The following ERBB4 variants were observed in gnomAD, a reference collection of about 807,000 sequenced individuals.
ERBB4 encodes the protein erb-b2 receptor tyrosine kinase 4.
Under a neutral mutation model 158.0 loss-of-function variants are expected in ERBB4, and 42 were observed. The ratio of observed to expected loss-of-function variants is 0.27; its 90% confidence interval spans 0.21 to 0.34. The LOEUF (loss-of-function observed/expected upper bound fraction) is 0.34. ERBB4 is among the 10% of genes least tolerant of loss of function. The pLI, the probability that ERBB4 is intolerant of heterozygous loss-of-function variation, is 1.00. For missense variants in ERBB4, 1,333 were observed against 1,624.1 expected (o/e 0.82, Z 3.08); for synonymous variants, 583 against 558.7 (o/e 1.04, Z -0.61).
chr2:211,717,558 G>A (rs543769449), intron 7 of ERBB4, among the ~76,000 whole-genome samples: 7 of 152,150 alleles, frequency 4.6e-5, no homozygotes, highest in Admixed American at 2.6e-4. Flanking sequence ...GGCCTGGTGC[G>A]GTGGCTCACG....
intron 4 of ERBB4, among the ~76,000 whole-genome samples, chr2:211,759,179 G>T (rs73085068): frequency 6.6e-6 from 1 of 151,912 alleles, no homozygotes; most frequent in Admixed American, 6.6e-5. Context: ...AACATATCTC[G>T]TTGTCTCTAA....
intron 1 of ERBB4, among the ~76,000 whole-genome samples, chr2:212,341,364 T>A (rs1343471516): frequency 6.6e-6 from 1 of 151,536 alleles, no homozygotes; most frequent in Non-Finnish European, 1.5e-5. Flanking sequence ...ATGTCTTAAA[T>A]TTTTTTTTGT....
At chr2:212,164,899 G>T (rs2081302533) in intron 1 of ERBB4, among the ~76,000 whole-genome samples, 1 of 151,670 alleles carries the variant, frequency 6.6e-6, no homozygotes, top group Non-Finnish European at 1.5e-5. Context: ...TTATTTAAGT[G>T]ATGTAATCTA....
intron 1 of ERBB4, among the ~76,000 whole-genome samples, chr2:212,526,584 T>A (rs1372659490): frequency 2.0e-5 from 3 of 152,032 alleles, no homozygotes; most frequent in Non-Finnish European, 4.4e-5. Flanking sequence ...TATTATTAAC[T>A]GTTTAGTTGA....
intron 20 of ERBB4, among the ~76,000 whole-genome samples, chr2:211,508,445 A>G (rs764442841): frequency 6.6e-6 from 1 of 152,206 alleles, no homozygotes; most frequent in Non-Finnish European, 1.5e-5. Context: ...CACACCAGTT[A>G]GAATGGTGAT....
At chr2:212,229,815 C>T (rs2083602901) in intron 1 of ERBB4, among the ~76,000 whole-genome samples, 2 of 152,108 alleles carry the variant, frequency 1.3e-5, no homozygotes, top group Non-Finnish European at 2.9e-5. Context: ...AGGTGAGAGT[C>T]AAGGAATGGA....
At chr2:212,226,384 C>T (rs1343157547) in intron 1 of ERBB4, among the ~76,000 whole-genome samples, 2 of 148,048 alleles carry the variant, frequency 1.4e-5, no homozygotes, top group Non-Finnish European at 3.0e-5. Flanking sequence ...TACCTCTAAC[C>T]CATGGGAATT....
intron 1 of ERBB4, among the ~76,000 whole-genome samples, chr2:212,153,944 C>A (rs572424467): frequency 6.6e-6 from 1 of 151,850 alleles, no homozygotes; most frequent in Non-Finnish European, 1.5e-5. Context: ...AGGTTAAGTA[C>A]GTATGGAAAA....
At chr2:212,178,672 G>A (rs930842383) in intron 1 of ERBB4, among the ~76,000 whole-genome samples, 10 of 151,466 alleles carry the variant, frequency 6.6e-5, no homozygotes, top group African/African-American at 1.9e-4. Flanking sequence ...CTAGTATGGC[G>A]GAATGACCAC....
intron 7 of ERBB4, among the ~76,000 whole-genome samples, chr2:211,719,357 C>T (rs1023252424): frequency 1.3e-5 from 2 of 152,098 alleles, no homozygotes; most frequent in African/African-American, 4.8e-5. Flanking sequence ...TTTTTTCTCA[C>T]CTGACATAGG....
At chr2:211,515,096 A>C (rs1487200901) in intron 20 of ERBB4, among the ~76,000 whole-genome samples, 2 of 152,164 alleles carry the variant, frequency 1.3e-5, no homozygotes, top group Admixed American at 1.3e-4. Flanking sequence ...GGAAAGCTGC[A>C]AAAGTATGGA....
At chr2:211,471,401 T>G (rs552420991) in intron 20 of ERBB4, among the ~76,000 whole-genome samples, 202 of 152,130 alleles carry the variant, frequency 1.3e-3, no homozygotes, top group Non-Finnish European at 2.4e-3. Context: ...AACAGGAAAC[T>G]AAATCTGAAT....
chr2:212,184,837 A>G (rs2081970744), intron 1 of ERBB4, among the ~76,000 whole-genome samples: 1 of 152,084 alleles, frequency 6.6e-6, no homozygotes, highest in African/African-American at 2.4e-5. Flanking sequence ...GGTTAATTTC[A>G]CAAGAAAATA....
intron 3 of ERBB4, among the ~76,000 whole-genome samples, chr2:211,850,307 A>G (rs1392278924): frequency 6.6e-6 from 1 of 151,820 alleles, no homozygotes; most frequent in African/African-American, 2.4e-5. Context: ...CTTATTCTCT[A>G]AGAAGCAGTA....
chr2:211,946,457 C>T (rs1444410790), intron 3 of ERBB4, among the ~76,000 whole-genome samples: 1 of 150,178 alleles, frequency 6.7e-6, no homozygotes, highest in African/African-American at 2.4e-5. Context: ...ACTCAAAGTA[C>T]ATATAAAACC....
At chr2:211,462,609 C>T (rs1452333848) in intron 20 of ERBB4, among the ~76,000 whole-genome samples, 1 of 152,100 alleles carries the variant, frequency 6.6e-6, no homozygotes, top group Admixed American at 6.6e-5. Flanking sequence ...TCAAAAGAGA[C>T]TGTTCATTGT....
intron 12 of ERBB4, 57 bp from the exon 13 acceptor site, chr2:211,679,241 A>G: frequency 6.3e-7 from 1 of 1,591,210 alleles, no homozygotes; most frequent in East Asian, 2.2e-5. Flanking sequence ...AAAACTTAAA[A>G]TCTTCCTAGG....
At chr2:211,555,281 G>C (rs982205436) in intron 20 of ERBB4, among the ~76,000 whole-genome samples, 1 of 152,108 alleles carries the variant, frequency 6.6e-6, no homozygotes, top group Non-Finnish European at 1.5e-5. Flanking sequence ...TACCTCCCAG[G>C]TTCAAGCGAT....
At chr2:211,736,925 A>G (rs1575073023) in intron 5 of ERBB4, among the ~76,000 whole-genome samples, 2 of 152,192 alleles carry the variant, frequency 1.3e-5, no homozygotes, top group African/African-American at 4.8e-5. Context: ...TATTGATAAA[A>G]AAATTATAAT....
Sources: allele counts gnomAD v4.1 joint callset (sites outside exome capture counted in the v4.1 genomes callset), GRCh38; gene constraint gnomAD v4.1.1; transcripts MANE v1.5; gene names NCBI Gene and HGNC (gene_info 2026-07-23, HGNC 2026-07-21).